The following CA10 variants were observed in gnomAD, a reference collection of about 807,000 sequenced individuals.
The protein encoded by CA10 is carbonic anhydrase-related protein 10.
CA10 carries 14 observed loss-of-function variants against 44.2 expected under a neutral mutation model. That is an observed-to-expected ratio of 0.32 (90% CI 0.21 to 0.50). The LOEUF (loss-of-function observed/expected upper bound fraction) is 0.50. Among genes scored for constraint, CA10 ranks in the 20% least tolerant of loss-of-function variants. The probability of loss-of-function intolerance (pLI) is 0.99; values close to 1 mark genes in which losing one functional copy is unlikely to be tolerated. For missense variants in CA10, 350 were observed against 409.7 expected, an observed-to-expected ratio of 0.85 and a Z score of 1.26; for synonymous variants, 159 against 141.6, an observed-to-expected ratio of 1.12 and a Z score of -0.87.
At chr17:52,141,428 G>T (rs924591249) in intron 1 of CA10, among the ~76,000 whole-genome samples, 1 of 152,124 alleles carries the variant, frequency 6.6e-6, no homozygotes, top group East Asian at 1.9e-4. Flanking sequence ...CCTTACTGAA[G>T]AAAAAATCAT....
At chr17:51,750,064 A>G (rs1415698094) in intron 3 of CA10, among the ~76,000 whole-genome samples, 3 of 152,192 alleles carry the variant, frequency 2.0e-5, no homozygotes, top group Non-Finnish European at 4.4e-5. Flanking sequence ...TTCATTTCCC[A>G]TAACTTCCTT....
At chr17:51,680,065 G>A (rs9911908) in intron 4 of CA10, among the ~76,000 whole-genome samples, 7,610 of 152,114 alleles carry the variant, frequency 0.05, 630 homozygotes, top group African/African-American at 0.17. Context: ...TATGGCCCAC[G>A]AAGCCTAACA....
At chr17:51,682,172 T>C (rs1160597341) in intron 4 of CA10, among the ~76,000 whole-genome samples, 1 of 152,238 alleles carries the variant, frequency 6.6e-6, no homozygotes, top group Admixed American at 6.5e-5. Flanking sequence ...AAGAAGACTC[T>C]TGAAAACTCT....
At chr17:51,648,303 G>A (rs186350627) in intron 6 of CA10, among the ~76,000 whole-genome samples, 2 of 152,280 alleles carry the variant, frequency 1.3e-5, no homozygotes, top group East Asian at 3.9e-4. Context: ...ACTTTTGTGA[G>A]AATCATTATT....
chr17:51,727,051 C>T (rs1916550326), intron 4 of CA10, among the ~76,000 whole-genome samples: 2 of 152,160 alleles, frequency 1.3e-5, no homozygotes, highest in Admixed American at 6.5e-5. Context: ...CTCAATGCCA[C>T]CCACTCTTCA....
chr17:51,943,704 T>C (rs748464707), intron 2 of CA10, among the ~76,000 whole-genome samples: 1 of 152,158 alleles, frequency 6.6e-6, no homozygotes, highest in Non-Finnish European at 1.5e-5. Flanking sequence ...ATCCAGAGAT[T>C]TGCATTATTT....
chr17:51,760,003 T>G (rs1188828034), intron 3 of CA10, among the ~76,000 whole-genome samples: 2 of 152,236 alleles, frequency 1.3e-5, no homozygotes, highest in Non-Finnish European at 2.9e-5. Context: ...CTTAGAAAGC[T>G]TATTTCTAGT....
chr17:51,637,751 GGTCACAGGGC>G (rs1326076625), intron 6 of CA10, among the ~76,000 whole-genome samples: 7 of 152,144 alleles, frequency 4.6e-5, no homozygotes, highest in Admixed American at 4.6e-4. Flanking sequence ...GGCTGCCCAA[GGTCACAGGGC>G]TAGCTGGTGA....
At chr17:51,800,905 G>A (rs926307067) in intron 3 of CA10, among the ~76,000 whole-genome samples, 6 of 152,024 alleles carry the variant, frequency 3.9e-5, no homozygotes, top group Non-Finnish European at 7.4e-5. Context: ...CATCAAATTC[G>A]GCAGGTGGGC....
chr17:51,694,206 G>GA lies in CA10; in HGVS notation c.466-40471dup, dbSNP rs202082196. On this transcript the variant is annotated intron_variant, in intron 4 of 8. Coordinates refer to ENST00000451037, the MANE Select transcript of CA10 (RefSeq NM_020178.5). ...GCAACAAGAGCGAAACTCCGTCTCG[G>GA]AAAAAAAAAAAAAAGAAATCTCCAA... is the stretch of plus-strand genomic sequence containing the variant. 1.0e-2 allele frequency among the ~76,000 whole-genome samples: 1,375 copies of GA among 137,892 alleles called. 12 individuals carry two copies. Among genetic ancestry groups the GA allele is most frequent in the African/African-American group, 0.029 (1,077 of 37,762 alleles). 90.5% of individuals were successfully genotyped at this position (137,892 alleles called of 152,430 possible). A position where few individuals can be genotyped will look rare whatever the true frequency, so the allele number is the denominator to read the frequency against.
At chr17:52,091,543 C>T (rs150834796) in intron 1 of CA10, among the ~76,000 whole-genome samples, 50 of 152,264 alleles carry the variant, frequency 3.3e-4, no homozygotes, top group African/African-American at 1.1e-3. Context: ...AACAATTTCC[C>T]CCCATTCTCA....
intron 2 of CA10, among the ~76,000 whole-genome samples, chr17:52,029,848 G>C (rs1986411610): frequency 7.6e-6 from 1 of 131,368 alleles, no homozygotes; most frequent in African/African-American, 2.5e-5. Context: ...TATGAAAAAA[G>C]CTATGTAACT....
chr17:51,878,912 GTA>G (rs1555608411), intron 3 of CA10, among the ~76,000 whole-genome samples: 11 of 116,374 alleles, frequency 9.5e-5, no homozygotes, highest in African/African-American at 1.4e-4. Flanking sequence ...GTGTGTGTGT[GTA>G]TGTGTGTATG....
intron 2 of CA10, among the ~76,000 whole-genome samples, chr17:52,061,724 C>G (rs1341728403): frequency 6.6e-6 from 1 of 152,084 alleles, no homozygotes; most frequent in East Asian, 1.9e-4. Flanking sequence ...TGTTTGCTTC[C>G]CATTCACCTT....
At chr17:51,838,561 C>A (rs1318183349) in intron 3 of CA10, among the ~76,000 whole-genome samples, 1 of 152,254 alleles carries the variant, frequency 6.6e-6, no homozygotes, top group Non-Finnish European at 1.5e-5. Flanking sequence ...GCAGTTAACA[C>A]TCAGAGGAAA....
At chr17:52,018,121 C>G (rs1490794936) in intron 2 of CA10, among the ~76,000 whole-genome samples, 1 of 152,152 alleles carries the variant, frequency 6.6e-6, no homozygotes, top group African/African-American at 2.4e-5. Flanking sequence ...CAGACAGAAG[C>G]CTGCTTCAGA....
intron 4 of CA10, among the ~76,000 whole-genome samples, chr17:51,717,417 G>A (rs68174108): frequency 0.36 from 53,878 of 150,592 alleles, 10,908 homozygotes; most frequent in Middle Eastern, 0.47. Context: ...AAAAGAAGTC[G>A]TTATTCGAAA....
At chr17:51,999,980 C>T (rs550899577) in intron 2 of CA10, among the ~76,000 whole-genome samples, 18 of 152,060 alleles carry the variant, frequency 1.2e-4, no homozygotes, top group Non-Finnish European at 2.1e-4. Flanking sequence ...CCTCTCCTCA[C>T]GTAACTGTTT....
intron 2 of CA10, among the ~76,000 whole-genome samples, chr17:52,031,009 T>G (rs932641012): frequency 1.3e-5 from 2 of 152,188 alleles, no homozygotes; most frequent in African/African-American, 4.8e-5. Context: ...CATGAGCCAA[T>G]GCTTTTAATA....
Sources: gnomAD v4.1 joint callset for allele counts (sites outside exome capture counted in the v4.1 genomes callset) on GRCh38, gnomAD v4.1.1 for gene constraint, MANE v1.5 for transcripts, NCBI Gene and HGNC (gene_info 2026-07-23, HGNC 2026-07-21) for gene names.